TRPM3: variants seen among roughly 807,000 people sequenced by gnomAD.
The protein encoded by TRPM3 is long transient receptor potential channel 3.
Under a neutral mutation model 181.2 loss-of-function variants are expected in TRPM3, and 77 were observed. The observed-to-expected ratio is 0.42, with a 90% CI of 0.35 to 0.51. The LOEUF is 0.51. Ranked by LOEUF, TRPM3 falls within the 20% of genes least tolerant of loss-of-function variation. TRPM3 has a pLI of 0.01. For synonymous variants in TRPM3, 745 were observed against 796.4 expected (o/e 0.94, Z 1.09); for missense variants, 1,759 against 2,196.7 (o/e 0.80, Z 3.98).
At chr9:71,199,521 T>A (rs1290952195) in intron 1 of TRPM3, among the ~76,000 whole-genome samples, 4 of 152,100 alleles carry the variant, frequency 2.6e-5, no homozygotes, top group Admixed American at 2.6e-4. Context: ...TTTTGGTTGG[T>A]AAGCTATTGA....
At chr9:71,218,140 T>G (rs2080011000) in intron 1 of TRPM3, among the ~76,000 whole-genome samples, 1 of 152,200 alleles carries the variant, frequency 6.6e-6, no homozygotes, top group Non-Finnish European at 1.5e-5. Context: ...TTTATGGCAG[T>G]CTGGGTCTTG....
intron 1 of TRPM3, among the ~76,000 whole-genome samples, chr9:71,207,900 G>T (rs2079223506): frequency 6.6e-6 from 1 of 151,988 alleles, no homozygotes; most frequent in South Asian, 2.1e-4. Flanking sequence ...TTCCTTAACT[G>T]CTCCAAATTA....
At chr9:70,859,732 G>A (rs11142628) in intron 3 of TRPM3, among the ~76,000 whole-genome samples, 53,675 of 151,836 alleles carry the variant, frequency 0.35, 9,839 homozygotes, top group African/African-American at 0.39. Flanking sequence ...AGGAGAAAAA[G>A]TAATCACAGA....
intron 3 of TRPM3, among the ~76,000 whole-genome samples, chr9:70,848,385 T>C (rs937588072): frequency 5.3e-5 from 8 of 151,944 alleles, no homozygotes; most frequent in Non-Finnish European, 1.0e-4. Flanking sequence ...GAATTATAGG[T>C]AGAAGTAAAA....
At chr9:71,086,626 G>C (rs1194477451) in intron 1 of TRPM3, among the ~76,000 whole-genome samples, 1 of 151,938 alleles carries the variant, frequency 6.6e-6, no homozygotes, top group Non-Finnish European at 1.5e-5. Flanking sequence ...TTTCTAATTG[G>C]CCTGGTTCTC....
At chr9:70,896,717 A>C (rs555296979) in intron 1 of TRPM3, among the ~76,000 whole-genome samples, 14 of 151,982 alleles carry the variant, frequency 9.2e-5, no homozygotes, top group Admixed American at 6.5e-4. Context: ...TAAAAGCCTA[A>C]AGTGTTCATT....
At chr9:71,318,735 T>G (rs376437766) in intron 1 of TRPM3, among the ~76,000 whole-genome samples, 4 of 152,152 alleles carry the variant, frequency 2.6e-5, no homozygotes, top group African/African-American at 9.7e-5. Flanking sequence ...TTTTTCTTCT[T>G]GAGTCACTTA....
At chr9:71,135,478 C>T (rs1364350389) in intron 1 of TRPM3, among the ~76,000 whole-genome samples, 1 of 152,168 alleles carries the variant, frequency 6.6e-6, no homozygotes, top group Non-Finnish European at 1.5e-5. Context: ...AAGAATGATG[C>T]TGATTCTCTG....
intron 1 of TRPM3, among the ~76,000 whole-genome samples, chr9:70,937,621 T>C (rs370437858): frequency 2.6e-5 from 4 of 152,266 alleles, no homozygotes; most frequent in Non-Finnish European, 5.9e-5. Flanking sequence ...GGTAAGTAAC[T>C]TGTATTTCAT....
intron 1 of TRPM3, among the ~76,000 whole-genome samples, chr9:71,311,190 G>A (rs986883762): frequency 6.6e-6 from 1 of 151,964 alleles, no homozygotes; most frequent in Non-Finnish European, 1.5e-5. Flanking sequence ...TTAAAAAATT[G>A]TGCACAAAGT....
At chr9:71,012,163 C>T (rs2097750776) in intron 1 of TRPM3, among the ~76,000 whole-genome samples, 1 of 152,054 alleles carries the variant, frequency 6.6e-6, no homozygotes. Context: ...TATTCTGGTA[C>T]ATGGTATGAG....
intron 1 of TRPM3, among the ~76,000 whole-genome samples, chr9:71,152,046 C>G (rs1372157158): frequency 6.6e-6 from 1 of 152,006 alleles, no homozygotes; most frequent in Non-Finnish European, 1.5e-5. Flanking sequence ...TATGTCATGG[C>G]CGATTTTATG....
intron 1 of TRPM3, among the ~76,000 whole-genome samples, chr9:71,156,413 ACACACAC>A (rs1246767917): frequency 3.1e-4 from 44 of 144,028 alleles, no homozygotes; most frequent in African/African-American, 1.1e-3. Context: ...ACACACACAC[ACACACAC>A]AAGGCTTATC....
chr9:71,274,751 C>T (rs960168335), intron 1 of TRPM3, among the ~76,000 whole-genome samples: 8 of 152,210 alleles, frequency 5.3e-5, no homozygotes, highest in African/African-American at 1.2e-4. Context: ...GCAAGGCATG[C>T]CACTTTATTT....
intron 1 of TRPM3, among the ~76,000 whole-genome samples, chr9:71,398,183 G>C (rs917801135): frequency 6.6e-6 from 1 of 152,128 alleles, no homozygotes; most frequent in Non-Finnish European, 1.5e-5. Flanking sequence ...CCCTTTATAA[G>C]TTCAAGGATC....
At chr9:70,783,000 A>G (rs1588272985) in intron 7 of TRPM3, among the ~76,000 whole-genome samples, 2 of 152,192 alleles carry the variant, frequency 1.3e-5, no homozygotes, top group African/African-American at 2.4e-5. Context: ...CTCAGTCTCT[A>G]TTTAAATAAA....
chr9:70,663,278 T>C (rs1194495065), intron 9 of TRPM3, among the ~76,000 whole-genome samples: 1 of 152,084 alleles, frequency 6.6e-6, no homozygotes, highest in Admixed American at 6.5e-5. Context: ...AGACTACATA[T>C]TGGATACAGT....
intron 1 of TRPM3, among the ~76,000 whole-genome samples, chr9:70,934,532 T>C (rs1339320154): frequency 4.6e-5 from 7 of 152,228 alleles, no homozygotes; most frequent in African/African-American, 1.7e-4. Flanking sequence ...CATAGGTTCA[T>C]ATTCCTGTTT....
intron 12 of TRPM3, among the ~76,000 whole-genome samples, chr9:70,629,104 A>G (rs2065213973): frequency 6.6e-6 from 1 of 150,884 alleles, no homozygotes; most frequent in Non-Finnish European, 1.5e-5. Context: ...TTAGCGGTAT[A>G]TATTGGCAAG....
Sources: allele counts gnomAD v4.1 joint callset (sites outside exome capture counted in the v4.1 genomes callset), GRCh38; gene constraint gnomAD v4.1.1; transcripts MANE v1.5; gene names NCBI Gene and HGNC (gene_info 2026-07-23, HGNC 2026-07-21).